OR2L13: variants seen among roughly 807,000 people sequenced by gnomAD.
OR2L13 encodes olfactory receptor family 2 subfamily L member 13.
A neutral mutation model predicts 15.3 loss-of-function variants in OR2L13; 14 were observed. The observed-to-expected ratio is 0.91, with a 90% CI of 0.60 to 1.43. The LOEUF (loss-of-function observed/expected upper bound fraction) is 1.43. Among genes scored for constraint, OR2L13 ranks in the 40% most tolerant of loss-of-function variants. The pLI is 0.00. For synonymous variants in OR2L13, 152 were observed against 142.9 expected, an observed-to-expected ratio of 1.06 and a Z score of -0.45; for missense variants, 367 against 387.9, an observed-to-expected ratio of 0.95 and a Z score of 0.45.
chr1:248,017,074 A>G, the OR2L13 span, among the ~76,000 whole-genome samples: 1 of 152,166 alleles, frequency 6.6e-6, no homozygotes, highest in Non-Finnish European at 1.5e-5. Flanking sequence ...ATCGCTGTGA[A>G]ACTATCATCG....
chr1:247,970,626 T>G, the OR2L13 span, among the ~76,000 whole-genome samples: 48 of 152,196 alleles, frequency 3.2e-4, no homozygotes, highest in Non-Finnish European at 5.0e-4. Context: ...AGATTTTTTA[T>G]TTTTACTCTA....
At chr1:247,990,993 C>A in the OR2L13 span, 1 of 1,514,094 alleles carries the variant, frequency 6.6e-7, no homozygotes, top group Non-Finnish European at 9.2e-7. Flanking sequence ...CCTGCAGCAC[C>A]CACCTCACTG....
At chr1:247,990,256 A>T in the OR2L13 span, 9,332 of 839,196 alleles carry the variant, frequency 0.011, 514 homozygotes, top group African/African-American at 0.13. Context: ...GAAGGATCAT[A>T]TGAATGCTCC....
chr1:248,086,760 G>A, the OR2L13 span, among the ~76,000 whole-genome samples: 2 of 151,724 alleles, frequency 1.3e-5, no homozygotes, highest in Non-Finnish European at 2.9e-5. Context: ...TTAATTCTAA[G>A]CTATTAAATA....
chr1:248,050,962 G>A, the OR2L13 span, among the ~76,000 whole-genome samples: 1 of 151,998 alleles, frequency 6.6e-6, no homozygotes, highest in Non-Finnish European at 1.5e-5. Flanking sequence ...AATCCAAATT[G>A]GAATAGTTTC....
At chr1:247,955,046 C>A in the OR2L13 span, among the ~76,000 whole-genome samples, 6 of 151,912 alleles carry the variant, frequency 3.9e-5, no homozygotes, top group African/African-American at 1.5e-4. Context: ...GTGCTGCACC[C>A]ATTAACTCGT....
chr1:248,099,240 T>C, intron 2 of OR2L13, 118 bp from the exon 3 acceptor site: 1 of 634,586 alleles, frequency 1.6e-6, no homozygotes, highest in Non-Finnish European at 2.8e-6. Flanking sequence ...CCTGCAGTGT[T>C]AGTGGAGAAA....
At chr1:248,067,039 G>A in the OR2L13 span, among the ~76,000 whole-genome samples, 2 of 152,214 alleles carry the variant, frequency 1.3e-5, no homozygotes, top group Admixed American at 6.5e-5. Flanking sequence ...AGCAGTCATT[G>A]GCTATGTGAC....
the OR2L13 span, among the ~76,000 whole-genome samples, chr1:247,967,446 T>C: frequency 5.9e-5 from 9 of 152,180 alleles, no homozygotes; most frequent in Non-Finnish European, 1.3e-4. Flanking sequence ...TCAGGCTGGT[T>C]TCGAACTCCT....
At chr1:248,060,806 T>C in the OR2L13 span, 2 of 1,613,984 alleles carry the variant, frequency 1.2e-6, no homozygotes, top group African/African-American at 2.7e-5. Flanking sequence ...ATTGGAAACC[T>C]ATCCATGATT....
the OR2L13 span, chr1:248,003,606 C>G: frequency 6.2e-7 from 1 of 1,611,412 alleles, no homozygotes; most frequent in Non-Finnish European, 8.5e-7. Context: ...TGTGCTCACA[C>G]TGTATATATA....
chr1:248,071,948 C>T, the OR2L13 span, among the ~76,000 whole-genome samples: 1,132 of 151,760 alleles, frequency 7.5e-3, 23 homozygotes, highest in African/African-American at 0.026. Context: ...TCAAGGAGAA[C>T]TACAAACCAC....
At chr1:248,043,647 A>G in the OR2L13 span, among the ~76,000 whole-genome samples, 1 of 152,168 alleles carries the variant, frequency 6.6e-6, no homozygotes, top group Non-Finnish European at 1.5e-5. Context: ...CAGACCCCAA[A>G]AGAGGGTTCA....
the OR2L13 span, chr1:248,061,482 A>G: frequency 6.2e-7 from 1 of 1,613,946 alleles, no homozygotes. Flanking sequence ...TGCGATCTCC[A>G]ACAGAGGACA....
chr1:247,974,424 G>A, the OR2L13 span, among the ~76,000 whole-genome samples: 6,958 of 149,596 alleles, frequency 0.047, 498 homozygotes, highest in African/African-American at 0.17. Context: ...AGAACTTAAA[G>A]TATATTAAAA....
chr1:247,941,933 G>A, the OR2L13 span, among the ~76,000 whole-genome samples: 26 of 152,272 alleles, frequency 1.7e-4, no homozygotes, highest in East Asian at 4.1e-3. Flanking sequence ...GGTCTCACAA[G>A]CTGGTAAATA....
At chr1:248,038,889 C>T in the OR2L13 span, 168 of 1,614,160 alleles carry the variant, frequency 1.0e-4, no homozygotes, top group Non-Finnish European at 1.3e-5. Context: ...CTTTCTTGTG[C>T]TTCCTTTCAC....
At chr1:248,092,950 T>G (rs895044306), upstream of OR2L13, among the ~76,000 whole-genome samples, 16 of 152,210 alleles carry the variant, frequency 1.1e-4, no homozygotes, top group Middle Eastern at 0.01. Context: ...TCTGTGCAGA[T>G]GAAGATGGAA....
chr1:247,981,735 G>T, the OR2L13 span, among the ~76,000 whole-genome samples: 1 of 152,142 alleles, frequency 6.6e-6, no homozygotes, highest in African/African-American at 2.4e-5. Flanking sequence ...TGAGAAAGAT[G>T]CTTAAACTTG....
Sources: allele counts gnomAD v4.1 joint callset (sites outside exome capture counted in the v4.1 genomes callset), GRCh38; gene constraint gnomAD v4.1.1; transcripts MANE v1.5; gene names NCBI Gene and HGNC (gene_info 2026-07-23, HGNC 2026-07-21).